Variants in PDE1C observed in about 807,000 individuals in gnomAD.
PDE1C encodes the protein dual specificity calcium/calmodulin-dependent 3',5'-cyclic nucleotide phosphodiesterase 1C.
Under a neutral mutation model 93.1 loss-of-function variants are expected in PDE1C, and 62 were observed. That is an observed-to-expected ratio of 0.67 (90% confidence interval 0.54 to 0.82). The LOEUF (loss-of-function observed/expected upper bound fraction) is 0.82, where lower values mean the gene tolerates loss of function less well. Among genes scored for constraint, PDE1C ranks in the 40% least tolerant of loss-of-function variants. The pLI is 0.00. For missense variants in PDE1C, 742 were observed against 884.6 expected, an observed-to-expected ratio of 0.84 and a Z score of 2.04; for synonymous variants, 325 against 310.1, an observed-to-expected ratio of 1.05 and a Z score of -0.50.
At chr7:32,307,776 G>T (rs1813049574) in intron 1 of PDE1C, among the ~76,000 whole-genome samples, 1 of 152,216 alleles carries the variant, frequency 6.6e-6, no homozygotes, top group African/African-American at 2.4e-5. Flanking sequence ...AATAGGAACA[G>T]CTCCAGTCTA....
At chr7:32,092,192 T>C (rs913408829) in intron 3 of PDE1C, among the ~76,000 whole-genome samples, 1 of 149,376 alleles carries the variant, frequency 6.7e-6, no homozygotes, top group African/African-American at 2.4e-5. Context: ...AGAGACTTAC[T>C]CTGTGTAGCC....
intron 3 of PDE1C, among the ~76,000 whole-genome samples, chr7:32,086,113 T>A (rs2128741647): frequency 6.6e-6 from 1 of 150,682 alleles, no homozygotes; most frequent in South Asian, 2.2e-4. Context: ...CCCCACTGTT[T>A]CAGCCCAAAA....
chr7:32,157,079 AT>A (rs1461825898), intron 3 of PDE1C, among the ~76,000 whole-genome samples: 1 of 152,204 alleles, frequency 6.6e-6, no homozygotes, highest in Non-Finnish European at 1.5e-5. Flanking sequence ...GAAAAACCAA[AT>A]TGAGGAACAT....
At chr7:32,108,582 A>G (rs982176126) in intron 3 of PDE1C, among the ~76,000 whole-genome samples, 5 of 152,282 alleles carry the variant, frequency 3.3e-5, no homozygotes, top group Non-Finnish European at 5.9e-5. Flanking sequence ...CACAACCTCA[A>G]TCCTCCCCTA....
chr7:31,936,251 G>A (rs972800007), intron 2 of PDE1C, among the ~76,000 whole-genome samples: 3 of 152,080 alleles, frequency 2.0e-5, no homozygotes, highest in Non-Finnish European at 4.4e-5. Context: ...CATGTGGGTT[G>A]GGATAGACAG....
intron 17 of PDE1C, among the ~76,000 whole-genome samples, chr7:31,771,779 A>C (rs372698774): frequency 6.6e-6 from 1 of 152,060 alleles, no homozygotes; most frequent in African/African-American, 2.4e-5. Flanking sequence ...TGCCTGTGAC[A>C]TTTTGGCTAA....
At chr7:32,024,971 G>A (rs1444722881) in intron 2 of PDE1C, among the ~76,000 whole-genome samples, 1 of 152,114 alleles carries the variant, frequency 6.6e-6, no homozygotes, top group Non-Finnish European at 1.5e-5. Flanking sequence ...CCAGCCCAAT[G>A]AGGGTATCTA....
the PDE1C span, among the ~76,000 whole-genome samples, chr7:31,703,193 C>T: frequency 6.6e-6 from 1 of 152,208 alleles, no homozygotes; most frequent in Non-Finnish European, 1.5e-5. Flanking sequence ...AATGTTAGTT[C>T]CTTCCATTCT....
intron 2 of PDE1C, among the ~76,000 whole-genome samples, chr7:31,929,698 C>T (rs970118695): frequency 7.2e-5 from 11 of 152,154 alleles, no homozygotes; most frequent in African/African-American, 1.4e-4. Context: ...GAGTAAATAA[C>T]GAAATTAAGG....
rs192324209 is a variant in PDE1C at position 31,786,611 on chromosome 7, C to T, written c.1892-10879G>A. The stretch of plus-strand genomic sequence containing the variant: ...ACCGTGTTCCAAACACTGTGGTGGG[C>T]CAGCACTGCGTCTCCTGTGGGGTGT... On this transcript the variant is annotated intron_variant, in intron 16 of 17. Transcript: ENST00000396191. 9 of 152,144 alleles carry T rather than the reference C, an allele frequency of 5.9e-5. No individual in the cohort carries two copies. The East Asian group carries it at 1.5e-3, about 26-fold the overall frequency. 9.4% of individuals were successfully genotyped at this position (152,144 alleles called of 1,614,324 possible).
At chr7:31,690,873 T>G in the PDE1C span, among the ~76,000 whole-genome samples, 1 of 152,308 alleles carries the variant, frequency 6.6e-6, no homozygotes, top group Admixed American at 6.5e-5. Context: ...GGAATGAATA[T>G]TTTCAACAGA....
At chr7:32,250,463 C>T (rs941532561) in intron 1 of PDE1C, among the ~76,000 whole-genome samples, 2 of 152,160 alleles carry the variant, frequency 1.3e-5, no homozygotes, top group African/African-American at 4.8e-5. Flanking sequence ...TTGAATCAGA[C>T]CCCTGGCTCC....
At chr7:31,689,101 G>T in the PDE1C span, among the ~76,000 whole-genome samples, 1 of 152,304 alleles carries the variant, frequency 6.6e-6, no homozygotes, top group African/African-American at 2.4e-5. Flanking sequence ...AATTTAAACA[G>T]TCCTGATTTC....
rs10273703 is a variant in PDE1C, at chr7:32,202,884, A to C, written c.136+6605T>G. On this transcript the variant is annotated intron_variant, in intron 2 of 18. Coordinates refer to the PDE1C transcript ENST00000396193. ...TATCCTCTTAATGTATTTTAACGTG[A>C]ACAATACCATATTGTTAACTACAGG... Among the ~76,000 whole-genome samples the C allele has an allele frequency of 4.4e-3, 668 of 152,206 alleles. 7 individuals are homozygous for C. Among genetic ancestry groups the C allele is most frequent in the African/African-American group, 0.015 (637 of 41,514 alleles).
chr7:32,103,462 C>G (rs1798135878), intron 3 of PDE1C, among the ~76,000 whole-genome samples: 1 of 152,096 alleles, frequency 6.6e-6, no homozygotes, highest in Admixed American at 6.5e-5. Flanking sequence ...CCTCTCCCAC[C>G]CACTTATGCC....
At chr7:32,036,945 C>T (rs1376372035) in intron 2 of PDE1C, among the ~76,000 whole-genome samples, 1 of 152,182 alleles carries the variant, frequency 6.6e-6, no homozygotes, top group African/African-American at 2.4e-5. Context: ...TTTTAACAGA[C>T]CTTGCTGGTA....
intron 2 of PDE1C, among the ~76,000 whole-genome samples, chr7:31,972,538 T>G (rs1811097335): frequency 6.6e-6 from 1 of 152,184 alleles, no homozygotes; most frequent in Non-Finnish European, 1.5e-5. Context: ...TTCTGAGGGC[T>G]CGGTTCCAGA....
At chr7:31,949,694 GA>G (rs1187011528) in intron 2 of PDE1C, among the ~76,000 whole-genome samples, 2 of 152,104 alleles carry the variant, frequency 1.3e-5, no homozygotes, top group East Asian at 1.9e-4. Context: ...TCTGGATTGA[GA>G]GCTTTTGAAT....
At chr7:31,644,739 T>C in the PDE1C span, among the ~76,000 whole-genome samples, 1 of 152,208 alleles carries the variant, frequency 6.6e-6, no homozygotes, top group Non-Finnish European at 1.5e-5. Flanking sequence ...TGATCTAGGC[T>C]TTCAGGGCCA....
Sources: gnomAD v4.1 joint callset for allele counts (sites outside exome capture counted in the v4.1 genomes callset) on GRCh38, gnomAD v4.1.1 for gene constraint, MANE v1.5 for transcripts, NCBI Gene and HGNC (gene_info 2026-07-23, HGNC 2026-07-21) for gene names.